Variants in PRKCE observed in about 807,000 individuals in gnomAD.
PRKCE encodes the protein protein kinase C epsilon, also known as protein kinase C epsilon type.
PRKCE carries 16 observed loss-of-function variants against 85.4 expected under a neutral mutation model. The ratio of observed to expected loss-of-function variants is 0.19; its 90% CI spans 0.13 to 0.28. PRKCE has a LOEUF of 0.28. PRKCE is among the 10% of genes least tolerant of loss of function. The pLI, the probability that PRKCE is intolerant of heterozygous loss-of-function variation, is 1.00. For synonymous variants in PRKCE, 388 were observed against 371.5 expected (o/e 1.04, Z -0.51); for missense variants, 573 against 975.2 (o/e 0.59, Z 5.49).
chr2:45,979,124 G>T (rs1702685732), intron 4 of PRKCE, 114 bp downstream of exon 4: 1 of 989,108 alleles, frequency 1.0e-6, no homozygotes, highest in Middle Eastern at 2.6e-4. Context: ...TCCACAGCTT[G>T]CATGCTTTCT....
At chr2:46,146,108 C>G (rs868417848) in intron 12 of PRKCE, among the ~76,000 whole-genome samples, 3 of 152,300 alleles carry the variant, frequency 2.0e-5, no homozygotes, top group Middle Eastern at 6.8e-3. Context: ...GGTTGCCTTT[C>G]CTGAAAGTTG....
intron 14 of PRKCE, among the ~76,000 whole-genome samples, chr2:46,161,785 G>C (rs1181787335): frequency 6.6e-6 from 1 of 152,098 alleles, no homozygotes; most frequent in Non-Finnish European, 1.5e-5. Flanking sequence ...CTCTCCCTGA[G>C]GTATAGCAGA....
intron 1 of PRKCE, among the ~76,000 whole-genome samples, chr2:45,762,663 A>G (rs1220868223): frequency 6.6e-6 from 1 of 152,250 alleles, no homozygotes; most frequent in East Asian, 1.9e-4. Context: ...CTAGAGTTGC[A>G]TGGATAGCTT....
chr2:46,007,532 A>C lies in PRKCE; in HGVS notation c.1134A>C (p.Ala378=), dbSNP rs750926403. The C allele has an allele frequency of 5.0e-6, 8 of 1,599,816 alleles. No individual in the cohort carries two copies. The South Asian group carries it at 7.7e-5, about 15-fold the overall frequency. ...ACAACCGAGGAGAGGAGCACCGGGC[A>C]GCATCGTCTCCTGATGGCCAGCTGA... ...SFDNRGEEHR[A]ASSPDGQLMS... is the part of the protein sequence containing the mutation. Residue 378 remains alanine, a synonymous_variant, in exon 9 of 15, where the codon GCA becomes GCC. Coordinates refer to ENST00000306156, the MANE Select transcript of PRKCE (RefSeq NM_005400.3).
chr2:45,673,426 C>T (rs3731949), intron 1 of PRKCE, among the ~76,000 whole-genome samples: 31,508 of 152,006 alleles, frequency 0.21, 3,339 homozygotes, highest in Middle Eastern at 0.26. Context: ...GGCAATTGAG[C>T]GAGCAGTGTT....
intron 1 of PRKCE, among the ~76,000 whole-genome samples, chr2:45,804,347 G>T (rs1484304163): frequency 2.6e-5 from 4 of 152,164 alleles, no homozygotes; most frequent in Non-Finnish European, 5.9e-5. Flanking sequence ...CCACCAGTGT[G>T]CAGGCCCCAC....
intron 1 of PRKCE, among the ~76,000 whole-genome samples, chr2:45,836,648 G>C (rs539067542): frequency 3.0e-4 from 46 of 152,284 alleles, no homozygotes; most frequent in African/African-American, 1.0e-3. Context: ...AGGGGTACAG[G>C]ACTTGGGCAG....
At chr2:45,867,480 G>T (rs1187404402) in intron 2 of PRKCE, among the ~76,000 whole-genome samples, 4 of 152,208 alleles carry the variant, frequency 2.6e-5, no homozygotes, top group Admixed American at 6.5e-5. Flanking sequence ...GCCAACAGGG[G>T]TAGAGGATCT....
intron 1 of PRKCE, among the ~76,000 whole-genome samples, chr2:45,789,679 G>T (rs183529496): frequency 6.6e-6 from 1 of 152,278 alleles, no homozygotes; most frequent in Non-Finnish European, 1.5e-5. Context: ...CCTCAGCCCT[G>T]GCTGTCCTTA....
intron 1 of PRKCE, among the ~76,000 whole-genome samples, chr2:45,742,833 C>T (rs1383505083): frequency 6.6e-6 from 1 of 152,188 alleles, no homozygotes; most frequent in African/African-American, 2.4e-5. Context: ...GAGAAATCTG[C>T]ACTTTCGTGT....
chr2:45,677,586 G>C (rs1401621839), intron 1 of PRKCE, among the ~76,000 whole-genome samples: 3 of 152,150 alleles, frequency 2.0e-5, no homozygotes, highest in African/African-American at 7.2e-5. Flanking sequence ...TCGATCTCCT[G>C]ACCTCATGAT....
intron 14 of PRKCE, among the ~76,000 whole-genome samples, chr2:46,170,766 G>T (rs1012783072): frequency 5.9e-5 from 9 of 152,180 alleles, no homozygotes; most frequent in Non-Finnish European, 1.2e-4. Flanking sequence ...GTCTTGACTT[G>T]AGAGGCACAT....
chr2:45,926,151 G>C (rs566437693), intron 2 of PRKCE, among the ~76,000 whole-genome samples: 2 of 152,328 alleles, frequency 1.3e-5, no homozygotes, highest in Admixed American at 1.3e-4. Context: ...AAATGACAAA[G>C]TTGGCAAGCA....
intron 1 of PRKCE, among the ~76,000 whole-genome samples, chr2:45,681,512 C>T (rs1418966572): frequency 1.3e-5 from 2 of 152,198 alleles, no homozygotes; most frequent in East Asian, 3.9e-4. Context: ...GTTTATGATG[C>T]ACCTAAGTAC....
intron 1 of PRKCE, among the ~76,000 whole-genome samples, chr2:45,700,120 G>C (rs911419663): frequency 2.6e-5 from 4 of 151,812 alleles, no homozygotes; most frequent in Non-Finnish European, 1.5e-5. Flanking sequence ...AGGATGAAAT[G>C]GGTACCTGAG....
At chr2:45,937,044 G>T (rs536369095) in intron 2 of PRKCE, among the ~76,000 whole-genome samples, 1 of 152,170 alleles carries the variant, frequency 6.6e-6, no homozygotes, top group East Asian at 1.9e-4. Flanking sequence ...TGGACCTTTT[G>T]TGGGCTCCTG....
In PRKCE at chr2:46,113,455, ATAT is replaced by A. The variant is rs556448604; in HGVS notation, c.1592+27101_1592+27103del. Among the ~76,000 whole-genome samples the A allele has an allele frequency of 3.7e-4, 56 of 152,286 alleles. 1 individual carries two copies. The South Asian group carries it at 0.011, about 30-fold the overall frequency. ...GACCTAGCAGGGGCCCAAATCATAG[ATAT>A]TATTATTGTCATCAGTTGTCCTCAT... is the stretch of plus-strand genomic sequence containing the variant. On this transcript the variant is annotated intron_variant, in intron 11 of 14. Transcript: ENST00000306156.
At chr2:46,107,987 G>A (rs1184978189) in intron 11 of PRKCE, among the ~76,000 whole-genome samples, 3 of 152,160 alleles carry the variant, frequency 2.0e-5, no homozygotes, top group Non-Finnish European at 4.4e-5. Context: ...GCAATACAGT[G>A]GTGTGATCCT....
At chr2:45,940,675 G>A (rs184065624) in intron 2 of PRKCE, among the ~76,000 whole-genome samples, 6 of 152,228 alleles carry the variant, frequency 3.9e-5, no homozygotes, top group East Asian at 1.9e-4. Flanking sequence ...CTCACGTACC[G>A]CATGCATGTC....
Sources: gnomAD v4.1 joint callset for allele counts (sites outside exome capture counted in the v4.1 genomes callset) on GRCh38, gnomAD v4.1.1 for gene constraint, MANE v1.5 for transcripts, NCBI Gene and HGNC (gene_info 2026-07-23, HGNC 2026-07-21) for gene names.